MOGAT2: variants seen among roughly 807,000 people sequenced by gnomAD.
MOGAT2 encodes the protein monoacylglycerol O-acyltransferase 2.
In MOGAT2, 27 loss-of-function variants were observed where a neutral mutation model predicts 31.5. The observed-to-expected ratio is 0.86, with a 90% CI of 0.63 to 1.18. The LOEUF (loss-of-function observed/expected upper bound fraction) is 1.18. Among genes scored for constraint, MOGAT2 ranks in the 50% most tolerant of loss-of-function variants. The probability of loss-of-function intolerance (pLI) is 0.00; values close to 1 mark genes in which losing one functional copy is unlikely to be tolerated. For missense variants in MOGAT2, 436 were observed against 433.2 expected, an observed-to-expected ratio of 1.01 and a Z score of -0.06; for synonymous variants, 163 against 170.0, an observed-to-expected ratio of 0.96 and a Z score of 0.32.
intron 2 of MOGAT2, among the ~76,000 whole-genome samples, chr11:75,723,500 A>AT (rs1382765585): frequency 6.7e-6 from 1 of 150,224 alleles, no homozygotes; most frequent in Non-Finnish European, 1.5e-5. Flanking sequence ...TGGGGTGAAG[A>AT]GACAGTAGGG....
In MOGAT2 at chr11:75,720,148, T is replaced by C. The variant is rs778398967; in HGVS notation, c.248T>C (p.Met83Thr). The change falls in exon 2 of 6, where the codon ATG becomes ACG. Residue 83 changes from methionine (M) to threonine (T), a missense_variant. Met to Thr is a moderately conservative substitution (Grantham distance 81). Coordinates refer to ENST00000198801, the MANE Select transcript of MOGAT2 (RefSeq NM_025098.4). ...AIRCWTIWKY[M>T]KDYFPISLVK... ...AGGTGCTGGACTATATGGAAGTACA[T>C]GAAGGACTATTTCCCCATCTCGGTG... The C allele has an allele frequency of 3.1e-6, 5 of 1,613,402 alleles. 1 individual carries two copies. Among genetic ancestry groups the C allele is most frequent in the South Asian group, 2.2e-5 (2 of 90,972 alleles).
intron 5 of MOGAT2, among the ~76,000 whole-genome samples, chr11:75,730,551 T>C (rs1944466915): frequency 6.6e-6 from 1 of 152,186 alleles, no homozygotes; most frequent in Non-Finnish European, 1.5e-5. Context: ...ATGACAGGTT[T>C]TTATACCCAT....
intron 2 of MOGAT2, among the ~76,000 whole-genome samples, chr11:75,726,239 G>C (rs1310333614): frequency 2.0e-5 from 3 of 152,182 alleles, no homozygotes; most frequent in Non-Finnish European, 4.4e-5. Flanking sequence ...GGCAATGAAG[G>C]CCTGGCGAGG....
intron 3 of MOGAT2, 67 bp from the exon 4 acceptor site, chr11:75,727,903 G>C (rs1944436880): frequency 6.8e-7 from 1 of 1,469,076 alleles, no homozygotes; most frequent in Admixed American, 2.2e-5. Flanking sequence ...TCTCTTTATG[G>C]GCTACATGTA....
rs376957357 is a variant in MOGAT2 at position 75,727,554 on chromosome 11, G to T, written c.390G>T (p.Ser130=). The T allele has an allele frequency of 1.4e-5, 23 of 1,614,034 alleles. No individual in the cohort carries two copies. The highest frequency in any genetic ancestry group is 2.2e-5 in the East Asian group (1 of 44,886). ...GCACTGAGAGCACAGGCTTCTCTTC[G>T]ATCTTCCCCGGTATCCGCCCCCATC... is the stretch of plus-strand genomic sequence containing the variant. ...NLCTESTGFS[S]IFPGIRPHLM... is the part of the protein sequence containing the mutation. The change falls in exon 3 of 6, where the codon TCG becomes TCT. Residue 130 remains serine, a synonymous_variant. Transcript: ENST00000198801.
chr11:75,721,623 T>C (rs1331814645), intron 2 of MOGAT2, among the ~76,000 whole-genome samples: 1 of 152,104 alleles, frequency 6.6e-6, no homozygotes, highest in Non-Finnish European at 1.5e-5. Context: ...GCTAGTATTA[T>C]TTTACCTCGG....
At chr11:75,727,910 T>C (rs1463195041) in intron 3 of MOGAT2, 60 bp from the exon 4 acceptor site, 183 of 1,483,024 alleles carry the variant, frequency 1.2e-4, no homozygotes, top group Non-Finnish European at 1.6e-4. Context: ...ATGGGCTACA[T>C]GTACTTTCAT....
chr11:75,722,953 GT>G (rs1174062595), intron 2 of MOGAT2, among the ~76,000 whole-genome samples: 16 of 152,084 alleles, frequency 1.1e-4, no homozygotes, highest in Non-Finnish European at 2.2e-4. Context: ...TTGTTTCTTT[GT>G]TTTGGTTTTG....
In MOGAT2 at chr11:75,727,438, G is replaced by T; in HGVS notation, c.274G>T (p.Val92Phe). 6.2e-7 allele frequency: 1 copy of T among 1,613,794 alleles called. No homozygotes were observed. The highest frequency in any genetic ancestry group is 1.7e-4 in the Middle Eastern group (1 of 6,016). Reference protein sequence around the residue: ...YMKDYFPISLVKTAELDPSRN... With the variant: ...YMKDYFPISLFKTAELDPSRN... ...CAGCAGGTTGCCGTCCCTGCAGCTG[G>T]TCAAGACTGCTGAGCTGGACCCCTC... The change falls in exon 3 of 6, where the codon GTC (valine) becomes TTC (phenylalanine). Residue 92 changes from valine to phenylalanine, a missense_variant. Val to Phe is a conservative substitution (Grantham distance 50). Transcript: ENST00000198801.
chr11:75,727,743 G>A (rs538950495), intron 3 of MOGAT2, 104 bp downstream of exon 3: 2 of 1,252,078 alleles, frequency 1.6e-6, no homozygotes, highest in Non-Finnish European at 2.3e-6. Flanking sequence ...AGGAGAAGGA[G>A]GCTAGGCCCA....
intron 2 of MOGAT2, among the ~76,000 whole-genome samples, chr11:75,725,547 CATAAATAAATAA>C (rs56400236): frequency 2.0e-5 from 3 of 146,594 alleles, no homozygotes; most frequent in South Asian, 2.2e-4. Flanking sequence ...GACTCTGTCT[CATAAATAAATAA>C]ATAAATAAAT....
intron 2 of MOGAT2, among the ~76,000 whole-genome samples, chr11:75,723,300 G>T (rs1005190115): frequency 6.6e-6 from 1 of 151,752 alleles, no homozygotes; most frequent in East Asian, 1.9e-4. Flanking sequence ...CTTCCTCACC[G>T]CAGGCCCTTT....
Position 75,719,994 on chromosome 11 carries a change from G to C in MOGAT2, c.94G>C (p.Glu32Gln). 1 of 1,613,394 alleles carries C rather than the reference G, an allele frequency of 6.2e-7. No individual in the cohort carries two copies. Among genetic ancestry groups the C allele is most frequent in the East Asian group, 2.2e-5 (1 of 44,882 alleles). Residue 32 changes from glutamate (E) to glutamine (Q), a missense_variant and splice_region_variant, in exon 2 of 6, where the codon GAG (glutamate) becomes CAG (glutamine). Physicochemically the swap from Glu to Gln is conservative, Grantham distance 29. Coordinates refer to ENST00000198801, the MANE Select transcript of MOGAT2 (RefSeq NM_025098.4). Reference protein sequence around the residue: ...QFVFSFLALAEICTVGFIALL... With the variant: ...QFVFSFLALAQICTVGFIALL... ...ACAGCTCCTTCTTCCCTCCCCAGCC[G>C]AGATCTGCACTGTGGGCTTCATAGC...
intron 1 of MOGAT2, 126 bp downstream of exon 1, chr11:75,718,105 C>G: frequency 1.0e-6 from 1 of 989,384 alleles, no homozygotes; most frequent in Non-Finnish European, 1.5e-6. Context: ...TTGTTGCGCT[C>G]AGAGCCCCTG....
intron 2 of MOGAT2, among the ~76,000 whole-genome samples, chr11:75,722,462 C>T (rs1944384042): frequency 6.6e-6 from 1 of 152,216 alleles, no homozygotes. Flanking sequence ...TCACTTCCCA[C>T]TCTTGAGCTG....
At chr11:75,720,926 C>T (rs1470849938) in intron 2 of MOGAT2, among the ~76,000 whole-genome samples, 5 of 152,120 alleles carry the variant, frequency 3.3e-5, no homozygotes, top group South Asian at 2.1e-4. Flanking sequence ...GCAGATCTTT[C>T]GGCTCCTTCA....
In MOGAT2 at chr11:75,731,985, G is replaced by C. The variant is rs1296349771; in HGVS notation, c.*699G>C. 1 of 152,316 alleles carries C rather than the reference G, an allele frequency of 6.6e-6. No homozygotes were observed. 9.4% of individuals were successfully genotyped at this position (152,316 alleles called of 1,614,324 possible). On this transcript the variant is annotated 3_prime_UTR_variant, in exon 6 of 6. Transcript: ENST00000198801. The stretch of plus-strand genomic sequence containing the variant: ...CCCTCATGCACAGCCACAGCGAGCT[G>C]TCTAAAACACAAAGCTGACCGCGCC...
chr11:75,719,155 C>G (rs535087469), intron 1 of MOGAT2, among the ~76,000 whole-genome samples: 7 of 152,280 alleles, frequency 4.6e-5, no homozygotes, highest in African/African-American at 1.7e-4. Context: ...CTGTATACCC[C>G]CTTTGCACAG....
chr11:75,731,063 T>C, intron 5 of MOGAT2, 69 bp from the exon 6 acceptor site: 1 of 1,431,740 alleles, frequency 7.0e-7, no homozygotes, highest in Non-Finnish European at 9.6e-7. Flanking sequence ...GGATGAACCA[T>C]GGGGGTGGGC....
Sources: allele counts gnomAD v4.1 joint callset (sites outside exome capture counted in the v4.1 genomes callset), GRCh38; gene constraint gnomAD v4.1.1; transcripts MANE v1.5; gene names NCBI Gene and HGNC (gene_info 2026-07-23, HGNC 2026-07-21).